Variants in CBL observed in about 807,000 individuals in gnomAD.
The protein encoded by CBL is Cbl proto-oncogene.
Under a neutral mutation model 96.9 loss-of-function variants are expected in CBL, and 45 were observed. That is an observed-to-expected ratio of 0.46 (90% CI 0.37 to 0.60). CBL has a LOEUF of 0.60. CBL is among the 20% of genes least tolerant of loss of function. The pLI is 0.00. For synonymous variants in CBL, 420 were observed against 426.8 expected, an observed-to-expected ratio of 0.98 and a Z score of 0.20; for missense variants, 1,024 against 1,143.5, an observed-to-expected ratio of 0.90 and a Z score of 1.51.
chr11:119,226,404 A>G (rs575249854), intron 1 of CBL, among the ~76,000 whole-genome samples: 2 of 152,252 alleles, frequency 1.3e-5, no homozygotes, highest in South Asian at 4.1e-4. Context: ...AAATTTTATT[A>G]TGAGGCATTA....
At chr11:119,293,208 G>A (rs1591268000) in intron 12 of CBL, among the ~76,000 whole-genome samples, 2 of 151,752 alleles carry the variant, frequency 1.3e-5, no homozygotes, top group East Asian at 1.9e-4. Flanking sequence ...AGGTTCAAGC[G>A]ATTCTCCTGC....
chr11:119,267,857 A>G (rs912283258), intron 2 of CBL, among the ~76,000 whole-genome samples: 3 of 152,246 alleles, frequency 2.0e-5, no homozygotes, highest in Admixed American at 6.5e-5. Context: ...AAATAGCTAT[A>G]GTCAAAATGG....
At chr11:119,291,818 G>A (rs1204410485) in intron 12 of CBL, among the ~76,000 whole-genome samples, 2 of 152,084 alleles carry the variant, frequency 1.3e-5, no homozygotes, top group Admixed American at 1.3e-4. Context: ...ATCTTCCTTT[G>A]TGGTTTTGTT....
At chr11:119,206,781 G>T (rs1266708102) in intron 1 of CBL, among the ~76,000 whole-genome samples, 169 bp downstream of exon 1, 25 of 151,250 alleles carry the variant, frequency 1.7e-4, no homozygotes, top group African/African-American at 6.1e-4. Context: ...ACGAGGCCGG[G>T]AGGGTGGGGG....
intron 2 of CBL, among the ~76,000 whole-genome samples, chr11:119,266,108 A>G (rs1949801851): frequency 6.6e-6 from 1 of 151,604 alleles, no homozygotes; most frequent in Non-Finnish European, 1.5e-5. Context: ...AGGTGAGAGG[A>G]TCGCTTGAGT....
intron 5 of CBL, among the ~76,000 whole-genome samples, chr11:119,275,515 C>G (rs534512283): frequency 5.3e-5 from 8 of 152,248 alleles, no homozygotes; most frequent in Admixed American, 1.3e-4. Flanking sequence ...AGAAGTTACT[C>G]TCTTTTTAAA....
chr11:119,285,175 C>G lies in CBL; in HGVS notation c.1564-14C>G, dbSNP rs1325195593. On this transcript the variant is annotated splice_polypyrimidine_tract_variant and intron_variant, in intron 10 of 15. Coordinates refer to ENST00000264033, the MANE Select transcript of CBL (RefSeq NM_005188.4). ...GTGGGTTTTTACTGATTTGCTTTCA[C>G]CCTGCTTCCACAGGCTGCTTCTGGC... is the stretch of plus-strand genomic sequence containing the variant. The G allele has an allele frequency of 6.2e-7, 1 of 1,613,940 alleles. No homozygotes were observed. Among genetic ancestry groups the G allele is most frequent in the Non-Finnish European group, 8.5e-7 (1 of 1,180,042 alleles).
chr11:119,264,432 TC>T (rs1404182272), intron 2 of CBL, among the ~76,000 whole-genome samples: 2 of 99,880 alleles, frequency 2.0e-5, no homozygotes, highest in African/African-American at 7.2e-5. Context: ...TCTTCTCTTC[TC>T]TTCTCTTCTT....
intron 2 of CBL, among the ~76,000 whole-genome samples, chr11:119,244,813 T>C (rs1388979944): frequency 6.6e-6 from 1 of 151,808 alleles, no homozygotes. Flanking sequence ...TACCTTACCA[T>C]AGTGCTGGGA....
chr11:119,260,423 T>C (rs1394330533), intron 2 of CBL, among the ~76,000 whole-genome samples: 1 of 152,056 alleles, frequency 6.6e-6, no homozygotes, highest in Non-Finnish European at 1.5e-5. Context: ...TTTGTATTTT[T>C]AGTAGAGATG....
chr11:119,223,589 C>T lies in CBL; in HGVS notation c.196-8859C>T, dbSNP rs565440553. On this transcript the variant is annotated intron_variant, in intron 1 of 15. Coordinates refer to ENST00000264033, the MANE Select transcript of CBL (RefSeq NM_005188.4). Reference sequence around the variant, plus strand: ...GGACTACAGGCGCCCGCCACCACGCCCGGCTAAATTTTTTTTTATTATTAT... The same window carrying T: ...GGACTACAGGCGCCCGCCACCACGCTCGGCTAAATTTTTTTTTATTATTAT... 1.3e-4 allele frequency among the ~76,000 whole-genome samples: 20 copies of T among 149,334 alleles called. No homozygotes were observed. The South Asian group carries it at 3.2e-3, about 24-fold the overall frequency.
intron 1 of CBL, among the ~76,000 whole-genome samples, chr11:119,225,917 C>A (rs768047959): frequency 1.3e-5 from 2 of 151,946 alleles, no homozygotes; most frequent in Non-Finnish European, 2.9e-5. Context: ...TTAGTAGAGA[C>A]GGGGTTTCAC....
rs1949876574 is a variant in CBL, at chr11:119,274,901, A to T, written c.817A>T (p.Thr273Ser). The T allele has an allele frequency of 1.2e-6, 2 of 1,613,982 alleles. No individual in the cohort carries two copies. Among genetic ancestry groups the T allele is most frequent in the Non-Finnish European group, 1.7e-6 (2 of 1,179,960 alleles). Residue 273 changes from threonine (T) to serine (S), a missense_variant, in exon 5 of 16, where the codon ACG (threonine) becomes TCG (serine). Thr to Ser is a moderately conservative substitution (Grantham distance 58). Around this residue, in one of 4 missense-constraint regions of CBL, gnomAD observed 192 missense variants for 321.8 expected, o/e 0.60. Coordinates refer to ENST00000264033, the MANE Select transcript of CBL (RefSeq NM_005188.4). Reference sequence around the variant, plus strand: ...TCATCCTGGCTACATGGCTTTTTTGACGTATGACGAAGTGAAAGCTCGGCT... The same window carrying T: ...TCATCCTGGCTACATGGCTTTTTTGTCGTATGACGAAGTGAAAGCTCGGCT... The part of the protein sequence containing the change: ...VTHPGYMAFL[T>S]YDEVKARLQK...
chr11:119,284,861 T>A, intron 9 of CBL, 108 bp from the exon 10 acceptor site: 3 of 1,350,086 alleles, frequency 2.2e-6, no homozygotes, highest in Non-Finnish European at 3.2e-6. Flanking sequence ...TCTGGCCCAT[T>A]TGTAGTTTAA....
chr11:119,298,712 T>C (rs1052539431), intron 15 of CBL, among the ~76,000 whole-genome samples, 172 bp downstream of exon 15: 2 of 152,246 alleles, frequency 1.3e-5, no homozygotes, highest in Non-Finnish European at 2.9e-5. Context: ...TCAGACTCTT[T>C]AGGATTTTTG....
In CBL at chr11:119,304,413, GGTAAGGATGCAGGGTATT is replaced by G. The variant is rs1950121292; in HGVS notation, c.*4633_*4650del. On this transcript the variant is annotated 3_prime_UTR_variant, in exon 16 of 16. Transcript: ENST00000264033. ...GGAATAAAGGAGGGAGTGGAGTTGT[GGTAAGGATGCAGGGTATT>G]TCGCAGAACCCAGGACGGGAAGTGC... The G allele has an allele frequency of 4.3e-6, 1 of 233,006 alleles. No individual in the cohort carries two copies. The highest frequency in any genetic ancestry group is 2.2e-5 in the African/African-American group (1 of 45,286). 14.4% of individuals were successfully genotyped at this position (233,006 alleles called of 1,614,324 possible). A position where few individuals can be genotyped will look rare whatever the true frequency, so the allele number is the denominator to read the frequency against.
chr11:119,264,315 C>A (rs1949778589), intron 2 of CBL, among the ~76,000 whole-genome samples: 1 of 152,118 alleles, frequency 6.6e-6, no homozygotes, highest in Non-Finnish European at 1.5e-5. Flanking sequence ...ATCTTGGCCT[C>A]CCAAAGAGCT....
intron 1 of CBL, among the ~76,000 whole-genome samples, chr11:119,223,173 C>T (rs1949424376): frequency 6.8e-6 from 1 of 147,772 alleles, no homozygotes; most frequent in African/African-American, 2.5e-5. Flanking sequence ...GCAAACCACC[C>T]CACACCCTTC....
chr11:119,219,317 G>A (rs1319604507), intron 1 of CBL, among the ~76,000 whole-genome samples: 6 of 151,440 alleles, frequency 4.0e-5, no homozygotes, highest in Admixed American at 2.0e-4. Flanking sequence ...GGCAGAGGTG[G>A]CAGTGAGCCG....
Sources: gnomAD v4.1 joint callset for allele counts (sites outside exome capture counted in the v4.1 genomes callset) on GRCh38, gnomAD v4.1.1 for gene constraint, gnomAD v4.1.1 regional missense constraint, MANE v1.5 for transcripts, NCBI Gene and HGNC (gene_info 2026-07-23, HGNC 2026-07-21) for gene names.